The following KIRREL1 variants were observed in gnomAD, a reference collection of about 807,000 sequenced individuals.
The protein encoded by KIRREL1 is kirre like nephrin family adhesion molecule 1.
A neutral mutation model predicts 83.3 loss-of-function variants in KIRREL1; 25 were observed. The observed-to-expected ratio is 0.30, with a 90% CI of 0.22 to 0.42. KIRREL1 has a LOEUF of 0.42. Among genes scored for constraint, KIRREL1 ranks in the 10% least tolerant of loss-of-function variants. The pLI is 1.00. For missense variants in KIRREL1, 812 were observed against 1,032.3 expected (o/e 0.79, Z 2.92); for synonymous variants, 388 against 410.4 (o/e 0.95, Z 0.66).
chr1:158,071,275 C>A (rs1661507014), intron 1 of KIRREL1, among the ~76,000 whole-genome samples: 1 of 152,204 alleles, frequency 6.6e-6, no homozygotes, highest in Admixed American at 6.5e-5. Flanking sequence ...TCTCCCTCTG[C>A]CTCTGCGTGG....
rs1317149752 is a variant in KIRREL1 at position 158,094,783 on chromosome 1, G to T, written c.1937G>T (p.Gly646Val). 1 of 1,613,842 alleles carries T rather than the reference G, an allele frequency of 6.2e-7. No homozygotes were observed. Among genetic ancestry groups the T allele is most frequent in the African/African-American group, 1.3e-5 (1 of 74,886 alleles). The change falls in exon 15 of 15, where the codon GGC becomes GTC. Residue 646 changes from glycine (G) to valine (V), a missense_variant. By Grantham distance (109) the Gly-to-Val change is moderately radical. Around this residue, in one of 3 missense-constraint regions of KIRREL1, gnomAD observed 334 missense variants for 383.7 expected, o/e 0.87. Transcript: ENST00000359209. The surrounding 1 kb of genome is among the most constrained non-coding windows in gnomAD (Gnocchi z 4.6). Reference protein sequence around the residue: ...RPSSRLSHSSGYAQLNTYSRG... With the variant: ...RPSSRLSHSSVYAQLNTYSRG... ...TCATCCCGTCTCTCCCACTCCAGCG[G>T]CTATGCCCAGCTCAACACCTATAGC...
At position 158,099,803 on chromosome 1, in the gene KIRREL1, C is replaced by A. The variant is rs1418908231; in HGVS notation, c.*4683C>A. The A allele has an allele frequency of 6.6e-6, 1 of 151,974 alleles. No homozygotes were observed. The highest frequency in any genetic ancestry group is 2.4e-5 in the African/African-American group (1 of 41,352). The allele number at this position is 151,974 out of a possible 1,614,324, so 9.4% of individuals were successfully genotyped here. A position where few individuals can be genotyped will look rare whatever the true frequency, so the allele number is the denominator to read the frequency against. On this transcript the variant is annotated 3_prime_UTR_variant, in exon 15 of 15. Coordinates refer to ENST00000359209, the MANE Select transcript of KIRREL1 (RefSeq NM_018240.7). ...CTTTTGGAGCTCTTCAGATGCTGTC[C>A]CCCCTGAGAATACCCTAACTCTGGG...
intron 1 of KIRREL1, among the ~76,000 whole-genome samples, chr1:158,070,273 C>A (rs996803481): frequency 1.3e-5 from 2 of 152,176 alleles, no homozygotes; most frequent in East Asian, 1.9e-4. Context: ...CCCGGGATAT[C>A]CCTGTAGCAG....
At position 158,078,003 on chromosome 1, in the gene KIRREL1, A is replaced by T; in HGVS notation, c.215A>T (p.Tyr72Phe). 1 of 1,614,086 alleles carries T rather than the reference A, an allele frequency of 6.2e-7. No individual in the cohort carries two copies. Among genetic ancestry groups the T allele is most frequent in the Non-Finnish European group, 8.5e-7 (1 of 1,180,010 alleles). The change falls in exon 3 of 15, where the codon TAC becomes TTC. Residue 72 changes from tyrosine (Y) to phenylalanine (F), a missense_variant. Coordinates refer to ENST00000359209, the MANE Select transcript of KIRREL1 (RefSeq NM_018240.7). ...TCTGTTTCTGCAGCCTGGCCACGGT[A>T]CCGGGTTGTGGGCTCCGCAGACGCT... ...MGQGLKAWPR[Y>F]RVVGSADAGQ...
chr1:158,080,903 C>G (rs1661830890), intron 3 of KIRREL1, among the ~76,000 whole-genome samples: 1 of 151,106 alleles, frequency 6.6e-6, no homozygotes, highest in Non-Finnish European at 1.5e-5. Context: ...CTCATGGCAG[C>G]TGGGGGACCC....
Position 158,090,039 on chromosome 1 carries a change from C to T in KIRREL1, c.1272+221C>T, listed in dbSNP as rs191839775. On this transcript the variant is annotated intron_variant, in intron 10 of 14. Coordinates refer to ENST00000359209, the MANE Select transcript of KIRREL1 (RefSeq NM_018240.7). ...GCAGATCACTTAATGTTTTGAACCT[C>T]GGTTTATTCATCTATAAAACAGGGC... 5.5e-4 allele frequency among the ~76,000 whole-genome samples: 84 copies of T among 152,202 alleles called. 1 individual carries two copies. Among genetic ancestry groups the T allele is most frequent in the East Asian group, 3.5e-3 (18 of 5,182 alleles).
intron 1 of KIRREL1, among the ~76,000 whole-genome samples, chr1:158,063,846 C>T (rs1207455031): frequency 2.0e-5 from 3 of 152,178 alleles, no homozygotes; most frequent in Non-Finnish European, 2.9e-5. Flanking sequence ...CTCCATGTTG[C>T]CCCATCATGG....
chr1:158,056,313 C>G (rs1432988177), intron 1 of KIRREL1, among the ~76,000 whole-genome samples: 1 of 152,210 alleles, frequency 6.6e-6, no homozygotes, highest in African/African-American at 2.4e-5. Flanking sequence ...ATCTTCTGCC[C>G]TTGTGTCTGT....
In KIRREL1 at chr1:158,094,231, C is replaced by T. The variant is rs756679415; in HGVS notation, c.1720-82C>T. 3.0e-5 allele frequency: 36 copies of T among 1,204,118 alleles called. 1 individual carries two copies. Among genetic ancestry groups the T allele is most frequent in the South Asian group, 1.3e-4 (10 of 76,974 alleles). 74.6% of individuals were successfully genotyped at this position (1,204,118 alleles called of 1,614,324 possible). A position where few individuals can be genotyped will look rare whatever the true frequency, so the allele number is the denominator to read the frequency against. ...CAGACCCCACCCATGAGCAGGTGGCCTCTGAGCGTGGGGAGGGGTTGGTGA... is the reference window on the plus strand; with the variant it reads ...CAGACCCCACCCATGAGCAGGTGGCTTCTGAGCGTGGGGAGGGGTTGGTGA... On this transcript the variant is annotated intron_variant, in intron 13 of 14. Transcript: ENST00000359209. This position sits in a 1 kb window ranked among gnomAD's most constrained non-coding sequence, Gnocchi z 4.6.
chr1:158,035,047 T>C (rs1246110488), intron 1 of KIRREL1, among the ~76,000 whole-genome samples: 3 of 152,200 alleles, frequency 2.0e-5, no homozygotes, highest in South Asian at 4.1e-4. Flanking sequence ...TGTTCTGTTT[T>C]TCTTACCTCC....
rs746454338 is a variant in KIRREL1, at chr1:158,094,996, A to G, written c.2150A>G (p.Glu717Gly). 2 of 1,613,808 alleles carry G rather than the reference A, an allele frequency of 1.2e-6. No homozygotes were observed. Among genetic ancestry groups the G allele is most frequent in the African/African-American group, 2.7e-5 (2 of 74,888 alleles). The part of the protein sequence containing the change: ...GYPQAPPSGL[E>G]RTPYEAYDPI... Reference sequence around the variant, plus strand: ...CCCCAGGCCCCACCCTCTGGCCTGGAGCGGACCCCATATGAGGCGTATGAC... The same window carrying G: ...CCCCAGGCCCCACCCTCTGGCCTGGGGCGGACCCCATATGAGGCGTATGAC... Residue 717 changes from glutamate (E) to glycine (G), a missense_variant, in exon 15 of 15, where the codon GAG becomes GGG. Transcript: ENST00000359209. This position sits in a 1 kb window ranked among gnomAD's most constrained non-coding sequence, Gnocchi z 4.6.
intron 1 of KIRREL1, among the ~76,000 whole-genome samples, chr1:158,010,108 G>A (rs539820898): frequency 3.3e-5 from 5 of 152,022 alleles, no homozygotes; most frequent in Admixed American, 2.0e-4. Flanking sequence ...CTTCCTATCC[G>A]GTAAGAGTTC....
chr1:158,015,642 TTTACC>T lies in KIRREL1; in HGVS notation c.52+21916_52+21920del, dbSNP rs1286919508. Among the ~76,000 whole-genome samples the T allele has an allele frequency of 1.1e-4, 16 of 150,474 alleles. No homozygotes were observed. The East Asian group carries it at 2.9e-3, about 27-fold the overall frequency. ...CCACAGGAGAAAGTTCCAGAGCTACTTTACCTAAGCTTCTGGTTCATTTTTTTATG... is the reference window on the plus strand; with the variant it reads ...CCACAGGAGAAAGTTCCAGAGCTACTTAAGCTTCTGGTTCATTTTTTTATG... On this transcript the variant is annotated intron_variant, in intron 1 of 14. Transcript: ENST00000359209.
At chr1:158,067,348 T>A (rs1341629581) in intron 1 of KIRREL1, among the ~76,000 whole-genome samples, 1 of 152,168 alleles carries the variant, frequency 6.6e-6, no homozygotes, top group Non-Finnish European at 1.5e-5. Flanking sequence ...TCAGCCTCTG[T>A]CTTAGTGACA....
chr1:158,090,734 C>T (rs1267128092), intron 10 of KIRREL1, among the ~76,000 whole-genome samples: 1 of 152,196 alleles, frequency 6.6e-6, no homozygotes, highest in Non-Finnish European at 1.5e-5. Flanking sequence ...TCAGAGCCAG[C>T]CAGGCAGGTC....
intron 1 of KIRREL1, among the ~76,000 whole-genome samples, chr1:158,052,917 C>T (rs917267776): frequency 6.6e-6 from 1 of 151,996 alleles, no homozygotes; most frequent in African/African-American, 2.4e-5. Context: ...TGTCACATGG[C>T]GAGAGAGGGA....
chr1:158,085,957 A>T (rs1662000904), intron 4 of KIRREL1, among the ~76,000 whole-genome samples: 2 of 152,194 alleles, frequency 1.3e-5, no homozygotes, highest in African/African-American at 2.4e-5. Flanking sequence ...GGACACACTG[A>T]CTATAAGGGC....
At chr1:158,089,270 C>T (rs1371698637) in intron 8 of KIRREL1, among the ~76,000 whole-genome samples, 1 of 152,238 alleles carries the variant, frequency 6.6e-6, no homozygotes, top group African/African-American at 2.4e-5. Flanking sequence ...TTCACCTGCC[C>T]TCTCTGGCCT....
chr1:158,050,950 T>A (rs968183925), intron 1 of KIRREL1, among the ~76,000 whole-genome samples: 1 of 152,248 alleles, frequency 6.6e-6, no homozygotes, highest in Non-Finnish European at 1.5e-5. Context: ...TCCTACTTTT[T>A]CTGGATTCTT....
Sources: gnomAD v4.1 joint callset for allele counts (sites outside exome capture counted in the v4.1 genomes callset) on GRCh38, gnomAD v4.1.1 for gene constraint, gnomAD v4.1.1 regional missense constraint, Gnocchi (gnomAD v3.1) non-coding constraint, MANE v1.5 for transcripts, NCBI Gene and HGNC (gene_info 2026-07-23, HGNC 2026-07-21) for gene names.